Variants in ROR1 observed in about 807,000 individuals in gnomAD.
The protein encoded by ROR1 is inactive tyrosine-protein kinase transmembrane receptor ROR1.
In ROR1, 19 loss-of-function variants were observed where a neutral mutation model predicts 78.8. The ratio of observed to expected loss-of-function variants is 0.24; its 90% CI spans 0.17 to 0.35. The LOEUF (loss-of-function observed/expected upper bound fraction) is 0.35, where lower values mean the gene tolerates loss of function less well. Ranked by LOEUF, ROR1 falls within the 10% of genes least tolerant of loss-of-function variation. ROR1 has a pLI of 1.00. For synonymous variants in ROR1, 386 were observed against 433.6 expected (o/e 0.89, Z 1.36); for missense variants, 917 against 1,177.8 (o/e 0.78, Z 3.24).
chr1:63,855,750 G>A (rs956059959), intron 1 of ROR1, among the ~76,000 whole-genome samples: 5 of 151,626 alleles, frequency 3.3e-5, no homozygotes, highest in Admixed American at 3.3e-4. Flanking sequence ...CCTGGTTCAA[G>A]TGATTCTCCT....
chr1:63,892,727 C>T lies in ROR1; in HGVS notation c.92-116578C>T, dbSNP rs562305589. Among the ~76,000 whole-genome samples, 105 of 152,284 alleles carry T rather than the reference C, an allele frequency of 6.9e-4. 2 individuals carry two copies. Among genetic ancestry groups the T allele is most frequent in the Middle Eastern group, 3.4e-3 (1 of 294 alleles). Reference sequence around the variant, plus strand: ...CCACCACTAATGAGCCCTGTAAACTCGGACAAGTTGCCAACCTTCTCTAAA... The same window carrying T: ...CCACCACTAATGAGCCCTGTAAACTTGGACAAGTTGCCAACCTTCTCTAAA... On this transcript the variant is annotated intron_variant, in intron 1 of 8. Transcript: ENST00000371079.
In ROR1 at chr1:64,179,869, G is replaced by A. The variant is rs571290957; in HGVS notation, c.*1014G>A. 6.6e-6 allele frequency: 1 copy of A among 152,176 alleles called. No homozygotes were observed. Among genetic ancestry groups the A allele is most frequent in the East Asian group, 1.9e-4 (1 of 5,184 alleles). The allele number at this position is 152,176 out of a possible 1,614,324, so 9.4% of individuals were successfully genotyped here. A position where few individuals can be genotyped will look rare whatever the true frequency, so the allele number is the denominator to read the frequency against. ...GTGCTTATGGTCAATGGGCTCTAGG[G>A]AAGTAGGAAACTCCATCATGATACA... On this transcript the variant is annotated 3_prime_UTR_variant, in exon 9 of 9. Transcript: ENST00000371079.
intron 2 of ROR1, among the ~76,000 whole-genome samples, chr1:64,047,754 G>A (rs576765172): frequency 9.2e-5 from 14 of 152,254 alleles, no homozygotes; most frequent in Admixed American, 2.0e-4. Flanking sequence ...AAACACATTC[G>A]TGGATTGAGT....
At chr1:64,083,593 G>GAA (rs1270419889) in intron 4 of ROR1, among the ~76,000 whole-genome samples, 298 of 133,934 alleles carry the variant, frequency 2.2e-3, no homozygotes, top group African/African-American at 6.0e-3. Context: ...GAGAGAGAGA[G>GAA]AGAAAAAAAA....
At chr1:63,996,752 G>T (rs1260653779) in intron 1 of ROR1, among the ~76,000 whole-genome samples, 1 of 151,932 alleles carries the variant, frequency 6.6e-6, no homozygotes, top group African/African-American at 2.4e-5. Context: ...AATTAACAGT[G>T]CGCTAGAGGG....
intron 1 of ROR1, among the ~76,000 whole-genome samples, chr1:63,963,581 C>T (rs1193468970): frequency 7.9e-6 from 1 of 126,074 alleles, no homozygotes; most frequent in South Asian, 2.5e-4. Context: ...AAAAACAAAA[C>T]AAAACAAAAA....
chr1:63,918,165 A>G (rs1041999055), intron 1 of ROR1, among the ~76,000 whole-genome samples: 2 of 152,228 alleles, frequency 1.3e-5, no homozygotes, highest in Non-Finnish European at 2.9e-5. Flanking sequence ...TGCCTGGAAC[A>G]GGAGAAGTTT....
At chr1:63,862,292 G>C (rs553245793) in intron 1 of ROR1, among the ~76,000 whole-genome samples, 1 of 150,140 alleles carries the variant, frequency 6.7e-6, no homozygotes, top group Non-Finnish European at 1.5e-5. Flanking sequence ...AACTTGGGAG[G>C]CTGAGACAGG....
At chr1:63,848,624 T>C (rs1171838504) in intron 1 of ROR1, among the ~76,000 whole-genome samples, 2 of 150,104 alleles carry the variant, frequency 1.3e-5, no homozygotes, top group Non-Finnish European at 2.9e-5. Context: ...TAAACTGCTT[T>C]TTTGGATTTA....
intron 1 of ROR1, among the ~76,000 whole-genome samples, chr1:63,871,875 A>T (rs948530209): frequency 6.6e-6 from 1 of 152,184 alleles, no homozygotes; most frequent in African/African-American, 2.4e-5. Context: ...CATAATGTGT[A>T]TTAAGTCATT....
chr1:64,097,567 T>A (rs1249466882), intron 4 of ROR1, among the ~76,000 whole-genome samples: 1 of 105,294 alleles, frequency 9.5e-6, no homozygotes, highest in Non-Finnish European at 1.8e-5. Flanking sequence ...ATATACATAT[T>A]TCATATAGTA....
At position 64,179,024 on chromosome 1, in the gene ROR1, G is replaced by GAAAAAAAAAAAAAAAAAAAAACAA. The variant is rs1650477201; in HGVS notation, c.*190_*191insCAAAAAAAAAAAAAAAAAAAAAAA. On this transcript the variant is annotated 3_prime_UTR_variant, in exon 9 of 9. Transcript: ENST00000371079. ...ACCAAGCAGGACAGACACTCGGCCAGAAAAAAAAAAAAAAAAAAAAAACAA... is the reference window on the plus strand; with the variant it reads ...ACCAAGCAGGACAGACACTCGGCCAGAAAAAAAAAAAAAAAAAAAAACAAAAAAAAAAAAAAAAAAAAAAAACAA... The GAAAAAAAAAAAAAAAAAAAAACAA allele has an allele frequency of 6.6e-6, 1 of 152,188 alleles. No homozygotes were observed. The allele number at this position is 152,188 out of a possible 1,614,324, so 9.4% of individuals were successfully genotyped here. A position where few individuals can be genotyped will look rare whatever the true frequency, so the allele number is the denominator to read the frequency against.
chr1:64,099,250 C>T (rs1647423755), intron 4 of ROR1, among the ~76,000 whole-genome samples: 1 of 152,092 alleles, frequency 6.6e-6, no homozygotes, highest in Non-Finnish European at 1.5e-5. Flanking sequence ...GGCAATTGAG[C>T]CTCAGAGTGG....
chr1:64,056,615 G>A (rs970749049), intron 4 of ROR1, among the ~76,000 whole-genome samples: 15 of 151,348 alleles, frequency 9.9e-5, no homozygotes, highest in Admixed American at 5.3e-4. Flanking sequence ...GGCAGAGGTT[G>A]CAATGAGCTG....
At chr1:64,042,141 G>C (rs1364827055) in intron 2 of ROR1, among the ~76,000 whole-genome samples, 1 of 152,168 alleles carries the variant, frequency 6.6e-6, no homozygotes, top group Non-Finnish European at 1.5e-5. Flanking sequence ...GGTAGTGATA[G>C]TTACTGTAGC....
At chr1:64,115,000 C>G (rs1320096143) in intron 4 of ROR1, among the ~76,000 whole-genome samples, 1 of 152,186 alleles carries the variant, frequency 6.6e-6, no homozygotes, top group African/African-American at 2.4e-5. Context: ...AGGTCTCACT[C>G]TGTCACCAGG....
intron 1 of ROR1, among the ~76,000 whole-genome samples, chr1:63,907,035 G>T (rs1645534844): frequency 6.6e-6 from 1 of 152,180 alleles, no homozygotes; most frequent in Non-Finnish European, 1.5e-5. Context: ...GTTGTTTGTT[G>T]GTTGGATTTG....
intron 4 of ROR1, among the ~76,000 whole-genome samples, chr1:64,135,515 G>T: frequency 6.6e-6 from 1 of 151,920 alleles, no homozygotes; most frequent in East Asian, 1.9e-4. Flanking sequence ...ATAGCAGGGG[G>T]GTGGCATGGG....
chr1:64,122,795 A>T (rs1345732142), intron 4 of ROR1, among the ~76,000 whole-genome samples: 1 of 152,202 alleles, frequency 6.6e-6, no homozygotes, highest in South Asian at 2.1e-4. Context: ...TCCTCTTGCG[A>T]CATCATTTTA....
Sources: allele counts gnomAD v4.1 joint callset (sites outside exome capture counted in the v4.1 genomes callset), GRCh38; gene constraint gnomAD v4.1.1; transcripts MANE v1.5; gene names NCBI Gene and HGNC (gene_info 2026-07-23, HGNC 2026-07-21).